Variants in PRDM10 observed in about 807,000 individuals in gnomAD.
PRDM10 encodes the protein PR domain zinc finger protein 10.
Under a neutral mutation model 133.1 loss-of-function variants are expected in PRDM10, and 65 were observed. That is an observed-to-expected ratio of 0.49 (90% CI 0.40 to 0.60). The LOEUF (loss-of-function observed/expected upper bound fraction) is 0.60, where lower values mean the gene tolerates loss of function less well. Ranked by LOEUF, PRDM10 falls within the 20% of genes least tolerant of loss-of-function variation. The pLI is 0.00. For synonymous variants in PRDM10, 582 were observed against 580.4 expected (o/e 1.00, Z -0.04); for missense variants, 1,137 against 1,507.1 (o/e 0.75, Z 4.07).
chr11:129,948,689 A>G (rs1951497842), intron 4 of PRDM10, among the ~76,000 whole-genome samples: 1 of 152,228 alleles, frequency 6.6e-6, no homozygotes, highest in Non-Finnish European at 1.5e-5. Context: ...TTCCGCCACA[A>G]GAATCAAATA....
chr11:129,924,461 T>A (rs967735807), intron 12 of PRDM10, among the ~76,000 whole-genome samples: 1 of 152,182 alleles, frequency 6.6e-6, no homozygotes, highest in Non-Finnish European at 1.5e-5. Flanking sequence ...ATACCAACTT[T>A]CTCTTTGTTT....
chr11:129,987,801 C>A (rs556421674), intron 1 of PRDM10, among the ~76,000 whole-genome samples: 1 of 152,260 alleles, frequency 6.6e-6, no homozygotes, highest in Non-Finnish European at 1.5e-5. Flanking sequence ...GAGATCAAGA[C>A]CATCCTGGCT....
At position 129,927,894 on chromosome 11, in the gene PRDM10, C is replaced by T. The variant is rs79214950; in HGVS notation, c.1531-2665G>A. Among the ~76,000 whole-genome samples, 359 of 149,724 alleles carry T rather than the reference C, an allele frequency of 2.4e-3. 2 individuals carry two copies. The highest frequency in any genetic ancestry group is 7.8e-3 in the African/African-American group (313 of 39,970). On this transcript the variant is annotated intron_variant, in intron 11 of 20. Transcript: ENST00000360871. ...TTCTAGAAGAAATCATGACAAATGT[C>T]GGAGAGAGCGCACAGATCCACTCTA...
At chr11:130,002,230 G>A (rs1481954542) in intron 1 of PRDM10, among the ~76,000 whole-genome samples, 1 of 148,906 alleles carries the variant, frequency 6.7e-6, no homozygotes, top group Non-Finnish European at 1.5e-5. Flanking sequence ...GCCGCCGCCG[G>A]AGCGCGCAGG....
intron 20 of PRDM10, 95 bp from the exon 21 acceptor site, chr11:129,902,611 G>A: frequency 2.7e-6 from 4 of 1,489,042 alleles, no homozygotes; most frequent in Non-Finnish European, 3.6e-6. Context: ...AATGTCACAA[G>A]GGACCCAAAA....
intron 16 of PRDM10, 105 bp downstream of exon 16, chr11:129,915,555 A>G (rs1950330674): frequency 8.0e-7 from 1 of 1,242,392 alleles, no homozygotes; most frequent in Admixed American, 2.5e-5. Context: ...TCCCCCGTCA[A>G]CTCAGAAGGA....
chr11:129,949,703 C>A (rs1053681615), intron 4 of PRDM10, among the ~76,000 whole-genome samples: 1 of 149,968 alleles, frequency 6.7e-6, no homozygotes, highest in Non-Finnish European at 1.5e-5. Flanking sequence ...GGCCAAGGTG[C>A]GCAGATCACC....
chr11:129,987,475 G>A (rs1294694586), intron 1 of PRDM10, among the ~76,000 whole-genome samples: 1 of 152,106 alleles, frequency 6.6e-6, no homozygotes, highest in Non-Finnish European at 1.5e-5. Flanking sequence ...AAACAGCCCG[G>A]CAATTCCACA....
chr11:129,912,480 C>T (rs944084776), intron 17 of PRDM10, among the ~76,000 whole-genome samples: 1 of 151,678 alleles, frequency 6.6e-6, no homozygotes, highest in Admixed American at 6.6e-5. Flanking sequence ...GGCCGGGCGC[C>T]GTGGCTCACG....
intron 1 of PRDM10, among the ~76,000 whole-genome samples, chr11:129,979,311 G>A (rs1476655069): frequency 1.3e-5 from 2 of 152,054 alleles, no homozygotes; most frequent in South Asian, 2.1e-4. Context: ...CCTCTGGCTC[G>A]AGGAGCAGAA....
intron 1 of PRDM10, among the ~76,000 whole-genome samples, chr11:129,997,280 G>C (rs1264247298): frequency 6.6e-6 from 1 of 152,202 alleles, no homozygotes. Context: ...AGGAGTTCCA[G>C]ACCAGCCTGG....
At chr11:129,971,405 C>A (rs12282368) in intron 1 of PRDM10, among the ~76,000 whole-genome samples, 28,643 of 152,028 alleles carry the variant, frequency 0.19, 4,281 homozygotes, top group East Asian at 0.46. Flanking sequence ...AGGTTCTCCA[C>A]GTCCCCATCA....
intron 16 of PRDM10, 38 bp downstream of exon 16, chr11:129,915,622 C>G (rs556686251): frequency 1.3e-6 from 2 of 1,524,416 alleles, no homozygotes; most frequent in Admixed American, 4.5e-5. Flanking sequence ...CCTCGCATGG[C>G]GGTTTTGACC....
At chr11:129,928,864 G>C (rs1016548720) in intron 11 of PRDM10, among the ~76,000 whole-genome samples, 5 of 152,168 alleles carry the variant, frequency 3.3e-5, no homozygotes, top group African/African-American at 1.2e-4. Flanking sequence ...AGAACCTCCT[G>C]TGTCTGGGCC....
intron 2 of PRDM10, among the ~76,000 whole-genome samples, chr11:129,960,600 G>A (rs1054771165): frequency 6.6e-6 from 1 of 152,186 alleles, no homozygotes; most frequent in African/African-American, 2.4e-5. Context: ...ACTATAGTTT[G>A]AGGTTTTCAG....
At position 129,992,193 on chromosome 11, in the gene PRDM10, A is replaced by G. The variant is rs558966299; in HGVS notation, c.-119+10529T>C. Among the ~76,000 whole-genome samples, 93 of 152,340 alleles carry G rather than the reference A, an allele frequency of 6.1e-4. 2 individuals carry two copies. The highest frequency in any genetic ancestry group is 3.4e-3 in the Middle Eastern group (1 of 294). On this transcript the variant is annotated intron_variant, in intron 1 of 20. Coordinates refer to ENST00000360871, the MANE Select transcript of PRDM10 (RefSeq NM_199437.2). Reference sequence around the variant, plus strand: ...AAAAATAGAATCCTTTAACAGATGCAGCTCTTTATTTTAAAAATCAGTATA... The same window carrying G: ...AAAAATAGAATCCTTTAACAGATGCGGCTCTTTATTTTAAAAATCAGTATA...
Position 129,923,681 on chromosome 11 carries a change from A to AGAGAGG in PRDM10, c.1879-279_1879-278insCCTCTC, listed in dbSNP as rs1950587885. On this transcript the variant is annotated intron_variant, in intron 12 of 20. Transcript: ENST00000360871. This position sits in a 1 kb window ranked among gnomAD's most constrained non-coding sequence, Gnocchi z 4.4. ...GAGAGAGAGAGAGAGAGAGAGAGAG[A>AGAGAGG]GAGAGAGAGAGAGTGCTTGCTTGGT... Among the ~76,000 whole-genome samples, 1 of 151,344 alleles carries AGAGAGG rather than the reference A, an allele frequency of 6.6e-6. No homozygotes were observed. The highest frequency in any genetic ancestry group is 1.5e-5 in the Non-Finnish European group (1 of 67,862).
At chr11:129,939,535 C>G (rs923345410) in intron 7 of PRDM10, among the ~76,000 whole-genome samples, 1 of 152,164 alleles carries the variant, frequency 6.6e-6, no homozygotes, top group Non-Finnish European at 1.5e-5. Context: ...ACTCTAGGGC[C>G]TTCTACAGTC....
rs185516996 is a variant in PRDM10, at chr11:129,945,424, G to A, written c.521-412C>T. Among the ~76,000 whole-genome samples, 16 of 152,254 alleles carry A rather than the reference G, an allele frequency of 1.1e-4. No homozygotes were observed. Among genetic ancestry groups the A allele is most frequent in the Admixed American group, 6.5e-4 (10 of 15,290 alleles). Reference sequence around the variant, plus strand: ...CCCATTATCTCAATAAAACTATTCCGGGGCCGGGGAGGAACCCTGACAATA... The same window carrying A: ...CCCATTATCTCAATAAAACTATTCCAGGGCCGGGGAGGAACCCTGACAATA... On this transcript the variant is annotated intron_variant, in intron 5 of 20. Coordinates refer to ENST00000360871, the MANE Select transcript of PRDM10 (RefSeq NM_199437.2). This position sits in a 1 kb window ranked among gnomAD's most constrained non-coding sequence, Gnocchi z 4.2.
Sources: allele counts gnomAD v4.1 joint callset (sites outside exome capture counted in the v4.1 genomes callset), GRCh38; gene constraint gnomAD v4.1.1; non-coding constraint Gnocchi (gnomAD v3.1); transcripts MANE v1.5; gene names NCBI Gene and HGNC (gene_info 2026-07-23, HGNC 2026-07-21).